The following ME1 variants were observed in gnomAD, a reference collection of about 807,000 sequenced individuals.
The protein encoded by ME1 is malic enzyme 1, also known as NADP-dependent malic enzyme.
In ME1, 74 loss-of-function variants were observed where a neutral mutation model predicts 66.4. The observed-to-expected ratio is 1.11, with a 90% confidence interval of 0.92 to 1.35. The LOEUF is 1.35. Among genes scored for constraint, ME1 ranks in the 40% most tolerant of loss-of-function variants. The pLI, the probability that ME1 is intolerant of heterozygous loss-of-function variation, is 0.00. For synonymous variants in ME1, 251 were observed against 235.6 expected, an observed-to-expected ratio of 1.07 and a Z score of -0.60; for missense variants, 750 against 694.1, an observed-to-expected ratio of 1.08 and a Z score of -0.90.
chr6:83,392,107 C>T (rs986502058), intron 3 of ME1, among the ~76,000 whole-genome samples: 5 of 152,254 alleles, frequency 3.3e-5, no homozygotes, highest in African/African-American at 1.2e-4. Context: ...ATTGTTGCAG[C>T]TCTCTGCTCC....
intron 6 of ME1, among the ~76,000 whole-genome samples, chr6:83,275,162 T>C (rs763916051): frequency 6.6e-6 from 1 of 151,994 alleles, no homozygotes; most frequent in African/African-American, 2.4e-5. Flanking sequence ...GGTGAAACCC[T>C]GTCTCTACTA....
intron 7 of ME1, among the ~76,000 whole-genome samples, chr6:83,242,463 AGGGGGATG>A (rs936911760): frequency 4.7e-4 from 72 of 152,130 alleles, no homozygotes; most frequent in Admixed American, 4.7e-3. Flanking sequence ...TAGAAGTAGC[AGGGGGATG>A]GGTGAATTTA....
At chr6:83,255,123 C>T (rs1447748640) in intron 6 of ME1, among the ~76,000 whole-genome samples, 3 of 151,988 alleles carry the variant, frequency 2.0e-5, no homozygotes, top group African/African-American at 4.8e-5. Flanking sequence ...TTTTAAATTA[C>T]TGTAAAATTC....
At chr6:83,391,483 A>G (rs1769619015) in intron 3 of ME1, among the ~76,000 whole-genome samples, 1 of 152,108 alleles carries the variant, frequency 6.6e-6, no homozygotes, top group African/African-American at 2.4e-5. Context: ...GTCTCCTAAC[A>G]AGGGTCCCTG....
At chr6:83,221,338 G>T (rs557569096) in intron 12 of ME1, among the ~76,000 whole-genome samples, 1 of 152,280 alleles carries the variant, frequency 6.6e-6, no homozygotes, top group South Asian at 2.1e-4. Context: ...AAGATTCCAG[G>T]ATGTGGTGGT....
chr6:83,292,267 T>C (rs1310466927), intron 6 of ME1, among the ~76,000 whole-genome samples: 1 of 152,228 alleles, frequency 6.6e-6, no homozygotes, highest in Non-Finnish European at 1.5e-5. Flanking sequence ...TATCTACCTT[T>C]GGTCATTGAT....
intron 1 of ME1, among the ~76,000 whole-genome samples, chr6:83,413,314 T>C (rs1226138239): frequency 6.6e-6 from 1 of 152,198 alleles, no homozygotes; most frequent in East Asian, 1.9e-4. Context: ...ACAAAGAATA[T>C]TTTAGGCCAG....
In ME1 at chr6:83,326,838, G is replaced by A. The variant is rs370418482; in HGVS notation, c.601-11425C>T. Reference sequence around the variant, plus strand: ...GGAAGACAGTGTGGCGACTCCTCAAGGATCTAGAAATAGAAAAATCATTTG... The same window carrying A: ...GGAAGACAGTGTGGCGACTCCTCAAAGATCTAGAAATAGAAAAATCATTTG... On this transcript the variant is annotated intron_variant, in intron 5 of 13. Coordinates refer to ENST00000369705, the MANE Select transcript of ME1 (RefSeq NM_002395.6). 2.6e-5 allele frequency among the ~76,000 whole-genome samples: 4 copies of A among 152,264 alleles called. No individual in the cohort carries two copies. The East Asian group carries it at 5.8e-4, about 22-fold the overall frequency.
At chr6:83,359,657 G>C (rs1768969543) in intron 3 of ME1, among the ~76,000 whole-genome samples, 1 of 152,206 alleles carries the variant, frequency 6.6e-6, no homozygotes, top group Non-Finnish European at 1.5e-5. Context: ...GGGATCCAAA[G>C]GCTTAGGGAG....
chr6:83,398,225 T>C, intron 3 of ME1, 142 bp downstream of exon 3: 1 of 560,856 alleles, frequency 1.8e-6, no homozygotes, highest in South Asian at 3.0e-5. Context: ...TGTATACATG[T>C]TTCAGAACAT....
intron 5 of ME1, among the ~76,000 whole-genome samples, chr6:83,317,208 C>T (rs1768052823): frequency 6.6e-6 from 1 of 152,126 alleles, no homozygotes; most frequent in African/African-American, 2.4e-5. Context: ...GGTCTTCAAA[C>T]ATGAAATTAA....
chr6:83,239,647 T>A lies in ME1; in HGVS notation c.815-11A>T. 1 of 1,587,976 alleles carries A rather than the reference T, an allele frequency of 6.3e-7. No individual in the cohort carries two copies. The highest frequency in any genetic ancestry group is 8.6e-7 in the Non-Finnish European group (1 of 1,156,516). On this transcript the variant is annotated splice_polypyrimidine_tract_variant and intron_variant, in intron 7 of 13. Transcript: ENST00000369705. ...CAACAGATGCTGTTCCTGAAACAAGTAATAAATATCCTTGAGTAATCCTCA... is the reference window on the plus strand; with the variant it reads ...CAACAGATGCTGTTCCTGAAACAAGAAATAAATATCCTTGAGTAATCCTCA...
chr6:83,283,221 C>A (rs1767335719), intron 6 of ME1, among the ~76,000 whole-genome samples: 1 of 59,092 alleles, frequency 1.7e-5, no homozygotes, highest in African/African-American at 8.7e-5. Context: ...GAGCAAGACT[C>A]CGTCTCAAAA....
intron 7 of ME1, among the ~76,000 whole-genome samples, chr6:83,250,546 T>C (rs1202255140): frequency 6.6e-6 from 1 of 152,222 alleles, no homozygotes; most frequent in African/African-American, 2.4e-5. Flanking sequence ...CTTCTAGTTC[T>C]TCAAGGCAAA....
intron 2 of ME1, among the ~76,000 whole-genome samples, chr6:83,407,263 A>G (rs1433888439): frequency 6.6e-6 from 1 of 152,236 alleles, no homozygotes; most frequent in African/African-American, 2.4e-5. Context: ...TCAAGGATCT[A>G]CTGCTAGTGA....
chr6:83,355,873 T>C lies in ME1; in HGVS notation c.363-3734A>G, dbSNP rs1768878768. On this transcript the variant is annotated intron_variant, in intron 3 of 13. Transcript: ENST00000369705. ...ATAATGAATACCTTTTCACCATCCCTGTTATTCTTGATCAATTTAAAATGT... is the reference window on the plus strand; with the variant it reads ...ATAATGAATACCTTTTCACCATCCCCGTTATTCTTGATCAATTTAAAATGT... Among the ~76,000 whole-genome samples, 3 of 152,180 alleles carry C rather than the reference T, an allele frequency of 2.0e-5. No homozygotes were observed. The South Asian group carries it at 6.2e-4, about 32-fold the overall frequency.
chr6:83,368,502 A>C (rs976071792), intron 3 of ME1, among the ~76,000 whole-genome samples: 27 of 152,182 alleles, frequency 1.8e-4, no homozygotes, highest in African/African-American at 6.5e-4. Flanking sequence ...TGATTTAAAT[A>C]TTAACTATAA....
chr6:83,420,500 C>T (rs1341993890), intron 1 of ME1, among the ~76,000 whole-genome samples: 2 of 152,192 alleles, frequency 1.3e-5, no homozygotes, highest in African/African-American at 4.8e-5. Flanking sequence ...CTTAATTAAG[C>T]TGTATCTTAG....
intron 6 of ME1, among the ~76,000 whole-genome samples, chr6:83,287,971 C>T (rs971675872): frequency 2.6e-5 from 4 of 152,084 alleles, no homozygotes; most frequent in Admixed American, 2.0e-4. Flanking sequence ...AGTGTCTGTC[C>T]ATATCCTTTG....
Sources: gnomAD v4.1 joint callset for allele counts (sites outside exome capture counted in the v4.1 genomes callset) on GRCh38, gnomAD v4.1.1 for gene constraint, MANE v1.5 for transcripts, NCBI Gene and HGNC (gene_info 2026-07-23, HGNC 2026-07-21) for gene names.